Variants in STAT6 observed in about 807,000 individuals in gnomAD.
STAT6 encodes the protein STAT, interleukin4-induced.
STAT6 carries 45 observed loss-of-function variants against 106.3 expected under a neutral mutation model. The ratio of observed to expected loss-of-function variants is 0.42; its 90% CI spans 0.33 to 0.54. STAT6 has a LOEUF of 0.54. STAT6 is among the 20% of genes least tolerant of loss of function. STAT6 has a pLI of 0.06. For synonymous variants in STAT6, 413 were observed against 413.6 expected (o/e 1.00, Z 0.02); for missense variants, 797 against 1,062.2 (o/e 0.75, Z 3.47).
At chr12:57,101,663 CTTT>C (rs1228510878) in intron 13 of STAT6, among the ~76,000 whole-genome samples, 9 of 127,528 alleles carry the variant, frequency 7.1e-5, no homozygotes, top group Non-Finnish European at 5.0e-5. Context: ...CATGCCTGGC[CTTT>C]TTTTTTTTTT....
At chr12:57,105,038 C>T (rs1274582475) in intron 9 of STAT6, 113 bp downstream of exon 9, 4 of 1,364,556 alleles carry the variant, frequency 2.9e-6, no homozygotes, top group Non-Finnish European at 4.0e-6. Context: ...TTCAGGGTCT[C>T]CACATCCCAT....
rs2033513549 is a variant in STAT6 at position 57,097,332 on chromosome 12, T to C, written c.2160-199A>G. The C allele has an allele frequency of 7.3e-6, 3 of 410,612 alleles. No homozygotes were observed. In the East Asian group the frequency reaches 1.1e-4, roughly 15 times the overall value. 25.4% of individuals were successfully genotyped at this position (410,612 alleles called of 1,614,324 possible). On this transcript the variant is annotated intron_variant, in intron 19 of 21. Transcript: ENST00000300134. ...GTGTTATGGGGGTGGATTAGCCAAT[T>C]TCTAATGTTTCTTTGGACTCTGAAC...
rs1369881812 is a variant in STAT6, at chr12:57,098,803, G to T, written c.2055C>A (p.Gly685=). 4 of 1,613,682 alleles carry T rather than the reference G, an allele frequency of 2.5e-6. No homozygotes were observed. The African/African-American group carries it at 4.0e-5, about 16-fold the overall frequency. Residue 685 remains glycine (G), a synonymous_variant, in exon 18 of 22, where the codon GGC becomes GGA. Transcript: ENST00000300134. ...TTCCAGCTCCTTACACCATATCTGG[G>T]CCAAGCTGCATGCTCATGGAGGAAT... ...APDSSMSMQL[G]PDMVPQVYPP...
rs754242223 is a variant in STAT6 at position 57,105,213 on chromosome 12, G to C, written c.939C>G (p.Ala313=). ...GAPAKPPLVR[A]DMVTEKQARE... ...GCGCCTGCTTCTCTGTCACCATGTC[G>C]GCCCTGACCAGCGGAGGCTTGGCTG... Residue 313 remains alanine, a synonymous_variant, in exon 9 of 22, where the codon GCC becomes GCG. Transcript: ENST00000300134. 2 of 1,613,836 alleles carry C rather than the reference G, an allele frequency of 1.2e-6. No individual in the cohort carries two copies. The highest frequency in any genetic ancestry group is 1.7e-6 in the Non-Finnish European group (2 of 1,179,960).
At chr12:57,110,852 C>T (rs2034542518) in intron 1 of STAT6, among the ~76,000 whole-genome samples, 1 of 152,134 alleles carries the variant, frequency 6.6e-6, no homozygotes, top group Non-Finnish European at 1.5e-5. Flanking sequence ...CACTCCTTCA[C>T]CTCCTTTCCC....
chr12:57,109,060 G>A (rs2034441817), intron 1 of STAT6, among the ~76,000 whole-genome samples: 1 of 152,132 alleles, frequency 6.6e-6, no homozygotes, highest in African/African-American at 2.4e-5. Context: ...AAATTAGCAG[G>A]GCGTGGTGGC....
In STAT6 at chr12:57,105,467, C is replaced by T; in HGVS notation, c.812+1G>A. On this transcript the variant is annotated splice_donor_variant, in intron 8 of 21. Transcript: ENST00000300134. LOFTEE classifies it high-confidence loss of function. ...CCAGACTGGGAGCTCCCGGGGAATA[C>T]CTGGTGACGAGGGTTCTCAGGACTT... 6.2e-7 allele frequency: 1 copy of T among 1,614,018 alleles called. No homozygotes were observed. The highest frequency in any genetic ancestry group is 8.5e-7 in the Non-Finnish European group (1 of 1,179,940).
intron 4 of STAT6, 127 bp from the exon 5 acceptor site, chr12:57,106,958 C>G: frequency 2.8e-6 from 4 of 1,443,900 alleles, no homozygotes; most frequent in Non-Finnish European, 3.7e-6. Flanking sequence ...TCTTCCTGAC[C>G]TTTTGGAATA....
Position 57,099,678 on chromosome 12 carries a change from G to C in STAT6, c.1744+89C>G. 1 of 1,549,642 alleles carries C rather than the reference G, an allele frequency of 6.5e-7. No homozygotes were observed. Among genetic ancestry groups the C allele is most frequent in the Non-Finnish European group, 8.8e-7 (1 of 1,136,622 alleles). On this transcript the variant is annotated intron_variant, in intron 15 of 21. Coordinates refer to ENST00000300134, the MANE Select transcript of STAT6 (RefSeq NM_003153.5). The surrounding 1 kb of genome is among the most constrained non-coding windows in gnomAD (Gnocchi z 4.7). ...GAAGAACTTCCTGAAGATCAGGATCGGCATCAGGAAGGTCAGGACATTTCA... is the reference window on the plus strand; with the variant it reads ...GAAGAACTTCCTGAAGATCAGGATCCGCATCAGGAAGGTCAGGACATTTCA...
intron 9 of STAT6, 33 bp downstream of exon 9, chr12:57,105,118 C>T (rs1592566930): frequency 1.3e-6 from 2 of 1,588,960 alleles, no homozygotes; most frequent in South Asian, 2.3e-5. Context: ...CCCTAACAGC[C>T]CTTCTCCAAC....
chr12:57,102,494 G>A lies in STAT6; in HGVS notation c.1308C>T (p.Asp436=). The change falls in exon 13 of 22, where the codon GAC becomes GAT. Residue 436 remains aspartate, a splice_region_variant and synonymous_variant. Transcript: ENST00000300134. ...GCTCAGCCACCACAAAGGGCACGCGGTCCTGGGGAGAAGGGGGAAGAAGAG... is the reference window on the plus strand; with the variant it reads ...GCTCAGCCACCACAAAGGGCACGCGATCCTGGGGAGAAGGGGGAAGAAGAG... ...ILWDNAFSEM[D]RVPFVVAERV... The A allele has an allele frequency of 6.2e-7, 1 of 1,613,288 alleles. No individual in the cohort carries two copies. Among genetic ancestry groups the A allele is most frequent in the Middle Eastern group, 1.8e-4 (1 of 5,474 alleles).
At chr12:57,101,663 C>CT (rs1228510878) in intron 13 of STAT6, among the ~76,000 whole-genome samples, 1,322 of 127,536 alleles carry the variant, frequency 0.01, 28 homozygotes, top group African/African-American at 0.021. Context: ...CATGCCTGGC[C>CT]TTTTTTTTTT....
Position 57,096,268 on chromosome 12 carries a change from T to C in STAT6, c.*304A>G, listed in dbSNP as rs750263898. 5.8e-6 allele frequency: 2 copies of C among 345,482 alleles called. No individual in the cohort carries two copies. The highest frequency in any genetic ancestry group is 1.1e-5 in the Non-Finnish European group (2 of 188,400). 21.4% of individuals were successfully genotyped at this position (345,482 alleles called of 1,614,324 possible). On this transcript the variant is annotated 3_prime_UTR_variant, in exon 22 of 22. Transcript: ENST00000300134. ...GCCCCATCACCCTCAGAGAGCTCTG[T>C]ATGTGTGTGTGCGTGCGTGTGCGCG...
chr12:57,101,866 T>C (rs918430830), intron 13 of STAT6, among the ~76,000 whole-genome samples: 26 of 152,080 alleles, frequency 1.7e-4, no homozygotes, highest in African/African-American at 6.3e-4. Flanking sequence ...AGTTTCACCA[T>C]GTTGGCCAGG....
At chr12:57,102,768 C>T (rs2034016581) in intron 12 of STAT6, 61 bp downstream of exon 12, 1 of 1,387,070 alleles carries the variant, frequency 7.2e-7, no homozygotes, top group Non-Finnish European at 1.0e-6. Flanking sequence ...CAGGCCTGCA[C>T]CACTGCCCAT....
In STAT6 at chr12:57,111,245, C is replaced by A. The variant is rs2629440; in HGVS notation, c.-138G>T. ...CCCTGCTAGCACCTCCCCCCTTCCA[C>A]CACCACCACCAAAAAGAAAAATAAG... On this transcript the variant is annotated 5_prime_UTR_variant, in exon 1 of 22. Transcript: ENST00000300134. 4.2e-3 allele frequency: 643 copies of A among 153,042 alleles called. 2 individuals carry two copies. Among genetic ancestry groups the A allele is most frequent in the Middle Eastern group, 6.6e-3 (2 of 302 alleles). The allele number at this position is 153,042 out of a possible 1,614,324, so 9.5% of individuals were successfully genotyped here.
At position 57,106,767 on chromosome 12, in the gene STAT6, C is replaced by G; in HGVS notation, c.404G>C (p.Arg135Pro). Residue 135 changes from arginine to proline, a missense_variant, in exon 5 of 22, where the codon CGG becomes CCG. Coordinates refer to ENST00000300134, the MANE Select transcript of STAT6 (RefSeq NM_003153.5). ...QEELKFKTGL[R>P]RLQHRVGEIH... ...CTCCCCTACTCGGTGCTGCAGCCTCCGCAAGCCTGTCTTAAACTTGAGTTC... is the reference window on the plus strand; with the variant it reads ...CTCCCCTACTCGGTGCTGCAGCCTCGGCAAGCCTGTCTTAAACTTGAGTTC... 1 of 1,614,078 alleles carries G rather than the reference C, an allele frequency of 6.2e-7. No individual in the cohort carries two copies. Among genetic ancestry groups the G allele is most frequent in the Non-Finnish European group, 8.5e-7 (1 of 1,180,040 alleles).
In STAT6 at chr12:57,096,423, T is replaced by C; in HGVS notation, c.*149A>G. 7 of 713,148 alleles carry C rather than the reference T, an allele frequency of 9.8e-6. No individual in the cohort carries two copies. The highest frequency in any genetic ancestry group is 1.7e-5 in the Non-Finnish European group (7 of 422,304). The allele number at this position is 713,148 out of a possible 1,614,324, so 44.2% of individuals were successfully genotyped here. A position where few individuals can be genotyped will look rare whatever the true frequency, so the allele number is the denominator to read the frequency against. ...TGGCTCCACCCACTGTGCATTCTCC[T>C]GTTAGTCTTTTCCTCCTGACCCAGG... On this transcript the variant is annotated 3_prime_UTR_variant, in exon 22 of 22. Coordinates refer to ENST00000300134, the MANE Select transcript of STAT6 (RefSeq NM_003153.5).
chr12:57,096,551 G>A lies in STAT6; in HGVS notation c.*21C>T. On this transcript the variant is annotated 3_prime_UTR_variant, in exon 22 of 22. Transcript: ENST00000300134. ...GGGGTAGTAGAAGAGCTGTCTCTTT[G>A]GGTTCTCCCTCCAGCTGGGATCACC... 1 of 1,555,598 alleles carries A rather than the reference G, an allele frequency of 6.4e-7. No homozygotes were observed. Among genetic ancestry groups the A allele is most frequent in the Non-Finnish European group, 8.7e-7 (1 of 1,154,172 alleles).
Sources: gnomAD v4.1 joint callset for allele counts (sites outside exome capture counted in the v4.1 genomes callset) on GRCh38, gnomAD v4.1.1 for gene constraint, Gnocchi (gnomAD v3.1) non-coding constraint, MANE v1.5 for transcripts, NCBI Gene and HGNC (gene_info 2026-07-23, HGNC 2026-07-21) for gene names.